The following KCNK13 variants were observed in gnomAD, a reference collection of about 807,000 sequenced individuals.
KCNK13 encodes the protein potassium channel subfamily K member 13.
KCNK13 carries 12 observed loss-of-function variants against 23.4 expected under a neutral mutation model. The observed-to-expected ratio is 0.51, with a 90% CI of 0.33 to 0.83. KCNK13 has a LOEUF of 0.83. Ranked by LOEUF, KCNK13 falls within the 40% of genes least tolerant of loss-of-function variation. The pLI is 0.02. For missense variants in KCNK13, 463 were observed against 556.3 expected, an observed-to-expected ratio of 0.83 and a Z score of 1.69; for synonymous variants, 231 against 229.5, an observed-to-expected ratio of 1.01 and a Z score of -0.06.
At chr14:90,097,034 G>A (rs1043895191) in intron 1 of KCNK13, among the ~76,000 whole-genome samples, 24 of 152,192 alleles carry the variant, frequency 1.6e-4, no homozygotes, top group African/African-American at 5.3e-4. Context: ...GCTGCCACAC[G>A]AAGTACTCAG....
At position 90,092,164 on chromosome 14, in the gene KCNK13, T is replaced by C. The variant is rs550607885; in HGVS notation, c.334+29625T>C. ...GTCTCCATCTCCTGACCTCGTGATCTGCCCGCCTTGGCCTCCCAAATTGCT... is the reference window on the plus strand; with the variant it reads ...GTCTCCATCTCCTGACCTCGTGATCCGCCCGCCTTGGCCTCCCAAATTGCT... On this transcript the variant is annotated intron_variant, in intron 1 of 1. Transcript: ENST00000282146. 2.6e-4 allele frequency among the ~76,000 whole-genome samples: 40 copies of C among 152,306 alleles called. 1 individual carries two copies. The highest frequency in any genetic ancestry group is 6.8e-3 in the Middle Eastern group (2 of 294).
chr14:90,153,878 C>G (rs1162345658), intron 1 of KCNK13, among the ~76,000 whole-genome samples: 3 of 152,166 alleles, frequency 2.0e-5, no homozygotes, highest in Non-Finnish European at 4.4e-5. Flanking sequence ...CCTGGCAGCC[C>G]CCATCTGCCC....
intron 1 of KCNK13, among the ~76,000 whole-genome samples, chr14:90,142,617 C>T (rs996036420): frequency 6.6e-6 from 1 of 152,090 alleles, no homozygotes; most frequent in East Asian, 1.9e-4. Context: ...TCTGCTCAGC[C>T]TTGGCTGTCC....
intron 1 of KCNK13, among the ~76,000 whole-genome samples, chr14:90,101,439 G>A (rs966154955): frequency 1.3e-5 from 2 of 152,052 alleles, no homozygotes; most frequent in African/African-American, 4.8e-5. Context: ...GTGCAACGCA[G>A]GAGAGGGATA....
intron 1 of KCNK13, among the ~76,000 whole-genome samples, chr14:90,179,321 T>C (rs963297458): frequency 6.5e-5 from 9 of 138,428 alleles, no homozygotes; most frequent in African/African-American, 2.2e-4. Flanking sequence ...TACAAAGCTT[T>C]TACTTTTTTT....
intron 1 of KCNK13, among the ~76,000 whole-genome samples, chr14:90,172,960 C>G (rs1322019945): frequency 6.6e-6 from 1 of 152,154 alleles, no homozygotes; most frequent in African/African-American, 2.4e-5. Flanking sequence ...GTAAATTCAC[C>G]CAGCAAACCT....
intron 1 of KCNK13, among the ~76,000 whole-genome samples, chr14:90,090,045 C>G (rs1464548628): frequency 6.6e-6 from 1 of 152,226 alleles, no homozygotes; most frequent in Non-Finnish European, 1.5e-5. Flanking sequence ...GTAGCCCCAA[C>G]AAAGAGTCCC....
rs544526044 is a variant in KCNK13 at position 90,085,460 on chromosome 14, G to A, written c.334+22921G>A. Among the ~76,000 whole-genome samples the A allele has an allele frequency of 3.1e-3, 475 of 150,952 alleles. 3 individuals are homozygous for A. Among genetic ancestry groups the A allele is most frequent in the African/African-American group, 0.011 (454 of 41,204 alleles). On this transcript the variant is annotated intron_variant, in intron 1 of 1. Transcript: ENST00000282146. ...GATCACCTGAGGTCAGGAGTTTGAGGCCAATCTGGCCAACATGGCGAAACC... is the reference window on the plus strand; with the variant it reads ...GATCACCTGAGGTCAGGAGTTTGAGACCAATCTGGCCAACATGGCGAAACC...
At chr14:90,158,542 T>C (rs1187945702) in intron 1 of KCNK13, among the ~76,000 whole-genome samples, 1 of 152,148 alleles carries the variant, frequency 6.6e-6, no homozygotes, top group Non-Finnish European at 1.5e-5. Flanking sequence ...AGTCCTACTT[T>C]TGAATGGTTT....
At position 90,070,541 on chromosome 14, in the gene KCNK13, G is replaced by A. The variant is rs1240286598; in HGVS notation, c.334+8002G>A. Among the ~76,000 whole-genome samples, 4 of 152,150 alleles carry A rather than the reference G, an allele frequency of 2.6e-5. 1 individual carries two copies. On this transcript the variant is annotated intron_variant, in intron 1 of 1. Coordinates refer to ENST00000282146, the MANE Select transcript of KCNK13 (RefSeq NM_022054.4). ...TTTCATCCTTTATTCTCTGCTCAATGTCTATAATTTATTATTTATTACTTA... is the reference window on the plus strand; with the variant it reads ...TTTCATCCTTTATTCTCTGCTCAATATCTATAATTTATTATTTATTACTTA...
chr14:90,152,192 T>C (rs975221594), intron 1 of KCNK13, among the ~76,000 whole-genome samples: 2 of 152,158 alleles, frequency 1.3e-5, no homozygotes, highest in Non-Finnish European at 2.9e-5. Context: ...TCTGATGGTT[T>C]TATAAAGGGC....
chr14:90,076,868 GGAGT>G (rs1300078143), intron 1 of KCNK13, among the ~76,000 whole-genome samples: 1 of 152,074 alleles, frequency 6.6e-6, no homozygotes, highest in Non-Finnish European at 1.5e-5. Context: ...TTGCCATGCT[GGAGT>G]GCAGTGGCGT....
chr14:90,162,795 A>C (rs963493113), intron 1 of KCNK13, among the ~76,000 whole-genome samples: 2 of 152,220 alleles, frequency 1.3e-5, no homozygotes, highest in Admixed American at 6.5e-5. Flanking sequence ...CAAAAATTAA[A>C]CTTTAGTGTA....
At chr14:90,154,748 T>A (rs1454170188) in intron 1 of KCNK13, among the ~76,000 whole-genome samples, 1 of 152,258 alleles carries the variant, frequency 6.6e-6, no homozygotes, top group Non-Finnish European at 1.5e-5. Flanking sequence ...ATTCTCTAGA[T>A]AATTTCAAAA....
intron 1 of KCNK13, among the ~76,000 whole-genome samples, chr14:90,065,850 G>A (rs1231771113): frequency 6.6e-6 from 1 of 152,198 alleles, no homozygotes; most frequent in Non-Finnish European, 1.5e-5. Flanking sequence ...GAATCCCATG[G>A]AAGGCAGAGA....
At position 90,062,080 on chromosome 14, in the gene KCNK13, G is replaced by A. The variant is rs1449919634; in HGVS notation, c.-126G>A. On this transcript the variant is annotated 5_prime_UTR_variant, in exon 1 of 2. Transcript: ENST00000282146. This position sits in a 1 kb window ranked among gnomAD's most constrained non-coding sequence, Gnocchi z 4.5. ...CCTGCGGGAGAGCCCGGCGGTCATG[G>A]GCGAGCCGGCGGTGGGGCGCCCGGG... is the stretch of plus-strand genomic sequence containing the variant. 1.6e-5 allele frequency: 9 copies of A among 580,444 alleles called. No individual in the cohort carries two copies. Among genetic ancestry groups the A allele is most frequent in the Non-Finnish European group, 2.3e-5 (9 of 383,110 alleles). The allele number at this position is 580,444 out of a possible 1,614,324, so 36.0% of individuals were successfully genotyped here.
intron 1 of KCNK13, among the ~76,000 whole-genome samples, chr14:90,093,001 C>T (rs1021230112): frequency 2.0e-5 from 3 of 150,990 alleles, no homozygotes; most frequent in Non-Finnish European, 1.5e-5. Context: ...CCTTAATTTG[C>T]GCTGGGTGCT....
At chr14:90,070,413 A>G (rs1009123905) in intron 1 of KCNK13, among the ~76,000 whole-genome samples, 3 of 151,942 alleles carry the variant, frequency 2.0e-5, no homozygotes, top group African/African-American at 7.3e-5. Flanking sequence ...TTCTTCCCCC[A>G]TTTTTCTGCT....
intron 1 of KCNK13, among the ~76,000 whole-genome samples, chr14:90,070,191 T>C (rs1889057067): frequency 6.6e-6 from 1 of 152,210 alleles, no homozygotes; most frequent in Non-Finnish European, 1.5e-5. Context: ...TTCAGAGATA[T>C]TAAAATTTGG....
Sources: gnomAD v4.1 joint callset for allele counts (sites outside exome capture counted in the v4.1 genomes callset) on GRCh38, gnomAD v4.1.1 for gene constraint, Gnocchi (gnomAD v3.1) non-coding constraint, MANE v1.5 for transcripts, NCBI Gene and HGNC (gene_info 2026-07-23, HGNC 2026-07-21) for gene names.